CNBD1: variants seen among roughly 807,000 people sequenced by gnomAD.
The protein encoded by CNBD1 is cyclic nucleotide binding domain containing 1, also known as cyclic nucleotide-binding domain-containing protein 1.
A neutral mutation model predicts 54.4 loss-of-function variants in CNBD1; 71 were observed. The observed-to-expected ratio is 1.30, with a 90% CI of 1.08 to 1.59. CNBD1 has a LOEUF of 1.59. CNBD1 is among the 40% of genes most tolerant of loss of function. CNBD1 has a pLI of 0.00. For missense variants in CNBD1, 659 were observed against 518.0 expected, an observed-to-expected ratio of 1.27 and a Z score of -2.64; for synonymous variants, 182 against 170.7, an observed-to-expected ratio of 1.07 and a Z score of -0.51.
intron 2 of CNBD1, among the ~76,000 whole-genome samples, chr8:87,412,712 A>T (rs751298586): frequency 6.6e-6 from 1 of 152,098 alleles, no homozygotes; most frequent in Non-Finnish European, 1.5e-5. Context: ...TCCAGGAAAA[A>T]CATAGTCACA....
downstream of CNBD1, among the ~76,000 whole-genome samples, chr8:87,386,218 A>C (rs1412690163): frequency 6.6e-6 from 1 of 152,200 alleles, no homozygotes; most frequent in East Asian, 1.9e-4. Flanking sequence ...CTCCTCCTCC[A>C]AAGGAATGCA....
In CNBD1 at chr8:86,939,709, G is replaced by T; in HGVS notation, c.386G>T (p.Arg129Ile). Reference sequence around the variant, plus strand: ...GGCCATATTTTATATAGACCAAAAAGAGCCACAGAGAAATTTGAAGAATTC... The same window carrying T: ...GGCCATATTTTATATAGACCAAAAATAGCCACAGAGAAATTTGAAGAATTC... Reference protein sequence around the residue: ...HGGHILYRPKRATEKFEEFLA... With the variant: ...HGGHILYRPKIATEKFEEFLA... Residue 129 changes from arginine (R) to isoleucine (I), a missense_variant, in exon 4 of 11, where the codon AGA becomes ATA. Arg to Ile is a moderately conservative substitution (Grantham distance 97, BLOSUM62 -3). Coordinates refer to ENST00000518476, the MANE Select transcript of CNBD1 (RefSeq NM_173538.3). The T allele has an allele frequency of 6.3e-7, 1 of 1,587,352 alleles. No individual in the cohort carries two copies. The highest frequency in any genetic ancestry group is 8.6e-7 in the Non-Finnish European group (1 of 1,164,604).
chr8:87,325,884 G>A (rs1415942848), intron 8 of CNBD1, among the ~76,000 whole-genome samples: 1 of 139,470 alleles, frequency 7.2e-6, no homozygotes, highest in African/African-American at 2.7e-5. Flanking sequence ...AGTTGATGCA[G>A]TTTCTTCCTA....
At chr8:87,327,668 C>A (rs933266446) in intron 8 of CNBD1, among the ~76,000 whole-genome samples, 1 of 152,206 alleles carries the variant, frequency 6.6e-6, no homozygotes, top group Admixed American at 6.5e-5. Context: ...GGCTCGTGCC[C>A]GGTGCGCACA....
At chr8:87,085,709 T>C (rs1481972323) in intron 4 of CNBD1, among the ~76,000 whole-genome samples, 3 of 152,102 alleles carry the variant, frequency 2.0e-5, no homozygotes, top group Admixed American at 1.3e-4. Flanking sequence ...TCTTTTCCCA[T>C]GTTCTTGTAC....
At chr8:87,363,881 G>C (rs1186537610) in intron 10 of CNBD1, among the ~76,000 whole-genome samples, 9 of 151,280 alleles carry the variant, frequency 5.9e-5, no homozygotes, top group Admixed American at 5.3e-4. Flanking sequence ...TGTCAATTTT[G>C]GCTTTTGTTG....
At chr8:86,963,842 C>A (rs113473691) in intron 4 of CNBD1, among the ~76,000 whole-genome samples, 1,896 of 152,246 alleles carry the variant, frequency 0.012, 30 homozygotes, top group African/African-American at 0.036. Context: ...ACGAAAGGAA[C>A]CCTGGGACCA....
chr8:87,120,390 T>C (rs1335963291), intron 4 of CNBD1, among the ~76,000 whole-genome samples: 1 of 152,096 alleles, frequency 6.6e-6, no homozygotes, highest in Non-Finnish European at 1.5e-5. Flanking sequence ...TGATGATCTT[T>C]TGTATTTCTG....
intron 4 of CNBD1, among the ~76,000 whole-genome samples, chr8:87,128,743 C>G (rs1277549946): frequency 6.6e-6 from 1 of 151,652 alleles, no homozygotes; most frequent in African/African-American, 2.4e-5. Context: ...AGTATATTGT[C>G]TTTTTATATA....
At chr8:87,189,490 T>C (rs1586317539) in intron 4 of CNBD1, among the ~76,000 whole-genome samples, 1 of 152,190 alleles carries the variant, frequency 6.6e-6, no homozygotes, top group Non-Finnish European at 1.5e-5. Flanking sequence ...GGGTATACCA[T>C]GTCCTTTAAT....
At chr8:86,976,242 C>T (rs1808340223) in intron 4 of CNBD1, among the ~76,000 whole-genome samples, 1 of 121,228 alleles carries the variant, frequency 8.2e-6, no homozygotes, top group African/African-American at 3.2e-5. Context: ...GATGCAAGCT[C>T]ATTTGTCTAT....
At chr8:87,411,980 C>A (rs1481329087) in intron 2 of CNBD1, among the ~76,000 whole-genome samples, 2 of 151,870 alleles carry the variant, frequency 1.3e-5, no homozygotes, top group Non-Finnish European at 2.9e-5. Flanking sequence ...CTTATTACTA[C>A]AACTGAATGA....
intron 2 of CNBD1, among the ~76,000 whole-genome samples, chr8:86,892,516 T>G (rs1222396409): frequency 6.6e-6 from 1 of 152,134 alleles, no homozygotes; most frequent in Admixed American, 6.5e-5. Context: ...GACAAAGTCA[T>G]AGAGTACCCA....
In CNBD1 at chr8:87,273,088, A is replaced by T. The variant is rs542051578; in HGVS notation, c.772-11590A>T. 8.4e-4 allele frequency among the ~76,000 whole-genome samples: 128 copies of T among 152,088 alleles called. 1 individual carries two copies. The highest frequency in any genetic ancestry group is 3.0e-3 in the African/African-American group (126 of 41,558). On this transcript the variant is annotated intron_variant, in intron 6 of 10. Coordinates refer to ENST00000518476, the MANE Select transcript of CNBD1 (RefSeq NM_173538.3). ...TCAGACAGATCAATTTCCCCTAATAATAGGAAAATTTTAAAATTTCAAATA... is the reference window on the plus strand; with the variant it reads ...TCAGACAGATCAATTTCCCCTAATATTAGGAAAATTTTAAAATTTCAAATA...
chr8:87,062,937 G>A (rs906341070), intron 4 of CNBD1, among the ~76,000 whole-genome samples: 3 of 152,100 alleles, frequency 2.0e-5, no homozygotes, highest in Non-Finnish European at 4.4e-5. Flanking sequence ...CCGTCTACTG[G>A]TGTGGTTGTC....
At position 87,182,089 on chromosome 8, in the gene CNBD1, T is replaced by A. The variant is rs1813362543; in HGVS notation, c.432-23904T>A. On this transcript the variant is annotated intron_variant, in intron 4 of 10. Coordinates refer to ENST00000518476, the MANE Select transcript of CNBD1 (RefSeq NM_173538.3). The surrounding 1 kb of genome is among the most constrained non-coding windows in gnomAD (Gnocchi z 4.1). Reference sequence around the variant, plus strand: ...TATGCCCCAGTGTCTACTTTTCCCATCTTTGTGTTCATGTGTACTCAATAT... The same window carrying A: ...TATGCCCCAGTGTCTACTTTTCCCAACTTTGTGTTCATGTGTACTCAATAT... 6.6e-6 allele frequency among the ~76,000 whole-genome samples: 1 copy of A among 152,188 alleles called. No individual in the cohort carries two copies. The highest frequency in any genetic ancestry group is 2.4e-5 in the African/African-American group (1 of 41,440).
At chr8:87,007,660 A>G (rs1323143989) in intron 4 of CNBD1, among the ~76,000 whole-genome samples, 2 of 152,186 alleles carry the variant, frequency 1.3e-5, no homozygotes, top group African/African-American at 4.8e-5. Context: ...GTCACTTACT[A>G]TACTTCAGTG....
intron 3 of CNBD1, among the ~76,000 whole-genome samples, chr8:86,917,153 A>T (rs990919914): frequency 8.7e-6 from 1 of 114,684 alleles, no homozygotes; most frequent in African/African-American, 2.7e-5. Flanking sequence ...AAAAAGAAAA[A>T]AAAAGAATAT....
chr8:87,114,328 C>T (rs1165874507), intron 4 of CNBD1, among the ~76,000 whole-genome samples: 1 of 152,068 alleles, frequency 6.6e-6, no homozygotes, highest in African/African-American at 2.4e-5. Context: ...CTTTTGTTGT[C>T]ATTTCATCTC....
Sources: gnomAD v4.1 joint callset for allele counts (sites outside exome capture counted in the v4.1 genomes callset) on GRCh38, gnomAD v4.1.1 for gene constraint, Gnocchi (gnomAD v3.1) non-coding constraint, MANE v1.5 for transcripts, NCBI Gene and HGNC (gene_info 2026-07-23, HGNC 2026-07-21) for gene names.